The following NFAT5 variants were observed in gnomAD, a reference collection of about 807,000 sequenced individuals.
The protein encoded by NFAT5 is nuclear factor of activated T-cells 5.
Under a neutral mutation model 166.5 loss-of-function variants are expected in NFAT5, and 31 were observed. That is an observed-to-expected ratio of 0.19 (90% CI 0.14 to 0.25). The LOEUF (loss-of-function observed/expected upper bound fraction) is 0.25. Among genes scored for constraint, NFAT5 ranks in the 10% least tolerant of loss-of-function variants. The pLI is 1.00. For missense variants in NFAT5, 1,449 were observed against 1,821.8 expected, an observed-to-expected ratio of 0.80 and a Z score of 3.72; for synonymous variants, 612 against 639.7, an observed-to-expected ratio of 0.96 and a Z score of 0.65.
intron 2 of NFAT5, among the ~76,000 whole-genome samples, chr16:69,612,261 G>C (rs1039604756): frequency 2.0e-5 from 3 of 152,024 alleles, no homozygotes; most frequent in Non-Finnish European, 4.4e-5. Flanking sequence ...ACATAGTTTT[G>C]GTCCATGAAG....
chr16:69,581,127 C>T (rs1417168974), intron 2 of NFAT5, among the ~76,000 whole-genome samples: 1 of 152,002 alleles, frequency 6.6e-6, no homozygotes, highest in Non-Finnish European at 1.5e-5. Flanking sequence ...CTGCAACCTC[C>T]GCCTTCTGGG....
chr16:69,627,311 A>C (rs999361424), intron 3 of NFAT5, among the ~76,000 whole-genome samples: 1 of 134,122 alleles, frequency 7.5e-6, no homozygotes, highest in Admixed American at 7.7e-5. Context: ...TGTTTGTTTT[A>C]AAAAAAGGAA....
At chr16:69,619,953 C>T (rs1334407816) in intron 2 of NFAT5, among the ~76,000 whole-genome samples, 1 of 152,178 alleles carries the variant, frequency 6.6e-6, no homozygotes, top group African/African-American at 2.4e-5. Context: ...TTCTTCCACC[C>T]TCTTGTAGAC....
Position 69,702,656 on chromosome 16 carries a change from A to G in NFAT5, c.*6305A>G, listed in dbSNP as rs1332456967. Reference sequence around the variant, plus strand: ...GAAACTCTGGAATAGGGCCCCCGCAATCTGTTTTCACAAGCCCTCCAGGTG... The same window carrying G: ...GAAACTCTGGAATAGGGCCCCCGCAGTCTGTTTTCACAAGCCCTCCAGGTG... On this transcript the variant is annotated 3_prime_UTR_variant, in exon 15 of 15. Coordinates refer to ENST00000349945, the MANE Select transcript of NFAT5 (RefSeq NM_138713.4). 6.6e-6 allele frequency: 1 copy of G among 152,402 alleles called. No homozygotes were observed. The highest frequency in any genetic ancestry group is 1.9e-4 in the East Asian group (1 of 5,188). The allele number at this position is 152,402 out of a possible 1,614,324, so 9.4% of individuals were successfully genotyped here. A position where few individuals can be genotyped will look rare whatever the true frequency, so the allele number is the denominator to read the frequency against.
intron 14 of NFAT5, among the ~76,000 whole-genome samples, 153 bp from the exon 15 acceptor site, chr16:69,696,207 A>T (rs1487637246): frequency 6.6e-6 from 1 of 152,218 alleles, no homozygotes; most frequent in Non-Finnish European, 1.5e-5. Context: ...TCCTCCAGAA[A>T]TAAATATTGA....
intron 3 of NFAT5, among the ~76,000 whole-genome samples, chr16:69,633,453 A>G (rs1435751744): frequency 1.3e-5 from 2 of 152,230 alleles, no homozygotes; most frequent in Non-Finnish European, 1.5e-5. Flanking sequence ...TTTTATAAGA[A>G]AGGAACTTCA....
chr16:69,666,544 T>G (rs2036389268), intron 7 of NFAT5, among the ~76,000 whole-genome samples: 1 of 152,136 alleles, frequency 6.6e-6, no homozygotes, highest in Admixed American at 6.5e-5. Flanking sequence ...AGAAGACATT[T>G]ATGCAGGAAA....
chr16:69,644,040 C>T (rs1172254525), intron 3 of NFAT5, among the ~76,000 whole-genome samples: 2 of 152,156 alleles, frequency 1.3e-5, no homozygotes, highest in Non-Finnish European at 2.9e-5. Context: ...AATCCCAGTA[C>T]TTTGGGAGGC....
intron 2 of NFAT5, among the ~76,000 whole-genome samples, chr16:69,574,481 C>T (rs1157729843): frequency 1.3e-5 from 2 of 152,004 alleles, no homozygotes; most frequent in East Asian, 3.9e-4. Context: ...TAATTATGTA[C>T]TTGAGTGAAA....
intron 2 of NFAT5, among the ~76,000 whole-genome samples, chr16:69,618,811 T>C (rs2034072380): frequency 6.6e-6 from 1 of 152,248 alleles, no homozygotes; most frequent in Non-Finnish European, 1.5e-5. Context: ...TTCAGGATTA[T>C]AATGTTTGCA....
chr16:69,695,527 AT>A, intron 14 of NFAT5, 148 bp downstream of exon 14: 6 of 636,590 alleles, frequency 9.4e-6, no homozygotes, highest in Non-Finnish European at 1.6e-5. Flanking sequence ...ATTATTCTGA[AT>A]GATAGCTTAT....
chr16:69,678,462 C>T (rs2036923917), intron 10 of NFAT5, among the ~76,000 whole-genome samples: 1 of 152,048 alleles, frequency 6.6e-6, no homozygotes. Flanking sequence ...ATCCACCTGC[C>T]TCGGCCTCCC....
chr16:69,634,147 G>A (rs555747698), intron 3 of NFAT5, among the ~76,000 whole-genome samples: 196 of 151,524 alleles, frequency 1.3e-3, no homozygotes, highest in Non-Finnish European at 1.9e-3. Context: ...GTGTGGCGGC[G>A]GGTGCCTGTA....
intron 3 of NFAT5, 88 bp from the exon 4 acceptor site, chr16:69,646,940 A>C: frequency 2.7e-6 from 3 of 1,095,434 alleles, no homozygotes; most frequent in Non-Finnish European, 3.8e-6. Flanking sequence ...AAAAACAATC[A>C]GTTCACAAAT....
chr16:69,642,646 A>C (rs1048143879), intron 3 of NFAT5, among the ~76,000 whole-genome samples: 6 of 151,754 alleles, frequency 4.0e-5, no homozygotes, highest in African/African-American at 1.5e-4. Context: ...TGGTGAAACT[A>C]TCTCTACTAA....
rs2016047377 is a variant in NFAT5, at chr16:69,566,516, G to A, written c.73+142G>A. On this transcript the variant is annotated intron_variant, in intron 1 of 14. Transcript: ENST00000349945. The surrounding 1 kb of genome is among the most constrained non-coding windows in gnomAD (Gnocchi z 5.7). ...ATGGCTTCTTTGGCCGGAGCGGGCA[G>A]AGGCCGAAGGGATCGGGGTGACGGT... 2 of 736,900 alleles carry A rather than the reference G, an allele frequency of 2.7e-6. No individual in the cohort carries two copies. The highest frequency in any genetic ancestry group is 5.5e-5 in the East Asian group (2 of 36,610). 45.6% of individuals were successfully genotyped at this position (736,900 alleles called of 1,614,324 possible).
intron 2 of NFAT5, among the ~76,000 whole-genome samples, chr16:69,592,406 G>A (rs1051283665): frequency 6.6e-6 from 1 of 151,970 alleles, no homozygotes; most frequent in Non-Finnish European, 1.5e-5. Context: ...ATGATACATG[G>A]TACTTAGTTG....
Position 69,703,219 on chromosome 16 carries a change from A to G in NFAT5, c.*6868A>G, listed in dbSNP as rs916626170. The G allele has an allele frequency of 6.6e-6, 1 of 152,614 alleles. No individual in the cohort carries two copies. Among genetic ancestry groups the G allele is most frequent in the African/African-American group, 2.4e-5 (1 of 41,446 alleles). The allele number at this position is 152,614 out of a possible 1,614,324, so 9.5% of individuals were successfully genotyped here. A position where few individuals can be genotyped will look rare whatever the true frequency, so the allele number is the denominator to read the frequency against. ...ATTTGTATCTGAGATAGTAAACAAG[A>G]TGGCTGGCCAGGTCAACATGGCACC... On this transcript the variant is annotated 3_prime_UTR_variant, in exon 15 of 15. Coordinates refer to ENST00000349945, the MANE Select transcript of NFAT5 (RefSeq NM_138713.4).
chr16:69,664,507 A>G (rs929502712), intron 7 of NFAT5, among the ~76,000 whole-genome samples: 2 of 151,878 alleles, frequency 1.3e-5, no homozygotes, highest in Non-Finnish European at 2.9e-5. Context: ...GGATGGTCTC[A>G]ATCTCCTGAC....
Sources: gnomAD v4.1 joint callset for allele counts (sites outside exome capture counted in the v4.1 genomes callset) on GRCh38, gnomAD v4.1.1 for gene constraint, Gnocchi (gnomAD v3.1) non-coding constraint, MANE v1.5 for transcripts, NCBI Gene and HGNC (gene_info 2026-07-23, HGNC 2026-07-21) for gene names.